HOOK2: variants seen among roughly 807,000 people sequenced by gnomAD.
The protein encoded by HOOK2 is hook microtubule tethering protein 2.
In HOOK2, 108 loss-of-function variants were observed where a neutral mutation model predicts 111.9. That is an observed-to-expected ratio of 0.96 (90% CI 0.83 to 1.13). HOOK2 has a LOEUF of 1.13. Among genes scored for constraint, HOOK2 ranks in the 50% most tolerant of loss-of-function variants. HOOK2 has a pLI of 0.00. For missense variants in HOOK2, 978 were observed against 951.3 expected (o/e 1.03, Z -0.37); for synonymous variants, 405 against 394.3 (o/e 1.03, Z -0.32).
At chr19:12,765,653 A>T in intron 18 of HOOK2, 37 bp downstream of exon 18, 1 of 1,613,112 alleles carries the variant, frequency 6.2e-7, no homozygotes, top group South Asian at 1.1e-5. Context: ...TATCAAATCC[A>T]TGCCCCCACG....
Position 12,763,071 on chromosome 19 carries a change from G to C in HOOK2, c.*211C>G. On this transcript the variant is annotated 3_prime_UTR_variant, in exon 23 of 23. Transcript: ENST00000397668. The stretch of plus-strand genomic sequence containing the variant: ...CTCCTGAGGCAGCACATGAACTCCA[G>C]AGAGAGAATCAACAACAAGAATCAC... The C allele has an allele frequency of 1.7e-6, 1 of 581,106 alleles. No individual in the cohort carries two copies. The highest frequency in any genetic ancestry group is 3.0e-6 in the Non-Finnish European group (1 of 333,966). The allele number at this position is 581,106 out of a possible 1,614,324, so 36.0% of individuals were successfully genotyped here.
chr19:12,782,488 C>A (rs1336329341), upstream of HOOK2, among the ~76,000 whole-genome samples: 4 of 152,242 alleles, frequency 2.6e-5, no homozygotes, highest in African/African-American at 9.6e-5. Context: ...GAGGGCCTCC[C>A]GCCCCGCCGT....
At chr19:12,779,217 G>T (rs561863464), upstream of HOOK2, among the ~76,000 whole-genome samples, 3 of 152,278 alleles carry the variant, frequency 2.0e-5, no homozygotes, top group Non-Finnish European at 2.9e-5. Flanking sequence ...CTGGGAAGCG[G>T]CTGACTCAAC....
In HOOK2 at chr19:12,763,389, C is replaced by A; in HGVS notation, c.2053G>T (p.Ala685Ser). The A allele has an allele frequency of 1.2e-6, 2 of 1,614,074 alleles. No individual in the cohort carries two copies. Among genetic ancestry groups the A allele is most frequent in the Non-Finnish European group, 1.7e-6 (2 of 1,179,992 alleles). Reference sequence around the variant, plus strand: ...TGTGCCAGGAATGACTGGGCATGGGCAGGCGCCCGCTCCTCCCCAGCTCGC... The same window carrying A: ...TGTGCCAGGAATGACTGGGCATGGGAAGGCGCCCGCTCCTCCCCAGCTCGC... ...QQRAGEERAPAHAQSFLAQQR... is the reference protein window; with the variant it reads ...QQRAGEERAPSHAQSFLAQQR... Residue 685 changes from alanine to serine, a missense_variant, in exon 23 of 23, where the codon GCC (alanine) becomes TCC (serine). Physicochemically the swap from Ala to Ser is moderately conservative, Grantham distance 99. Around this residue, in one of 5 missense-constraint regions of HOOK2, gnomAD observed 277 missense variants for 265.8 expected, o/e 1.04. Coordinates refer to ENST00000397668, the MANE Select transcript of HOOK2 (RefSeq NM_013312.3).
At chr19:12,783,049 G>A (rs1222914268), upstream of HOOK2, among the ~76,000 whole-genome samples, 2 of 152,054 alleles carry the variant, frequency 1.3e-5, no homozygotes, top group Admixed American at 1.3e-4. Context: ...GCGTCGCCCG[G>A]GCGTGCGTGA....
In HOOK2 at chr19:12,770,031, C is replaced by T; in HGVS notation, c.954G>A (p.Arg318=). The change falls in exon 11 of 23, where the codon CGG becomes CGA. Residue 318 remains arginine, a synonymous_variant. Coordinates refer to ENST00000397668, the MANE Select transcript of HOOK2 (RefSeq NM_013312.3). ...GQLEATLTSC[R]RRLGELRELR... ...GCTCCCTCAGCTCGCCCAAGCGGCG[C>T]CGGCAACTGGTCAGCGTGGCCTCCA... is the stretch of plus-strand genomic sequence containing the variant. 6.5e-7 allele frequency: 1 copy of T among 1,540,548 alleles called. No homozygotes were observed. Among genetic ancestry groups the T allele is most frequent in the South Asian group, 1.2e-5 (1 of 83,610 alleles).
At chr19:12,774,981 C>G (rs1968452543) in intron 1 of HOOK2, 84 bp from the exon 2 acceptor site, 1 of 1,345,006 alleles carries the variant, frequency 7.4e-7, no homozygotes, top group African/African-American at 1.4e-5. Context: ...TTCCAGTCAG[C>G]GAACCTCACA....
upstream of HOOK2, among the ~76,000 whole-genome samples, chr19:12,782,039 G>C (rs2145794754): frequency 6.6e-6 from 1 of 152,168 alleles, no homozygotes; most frequent in East Asian, 1.9e-4. Flanking sequence ...TATTTTTGTA[G>C]AGACAGGGGT....
At chr19:12,787,922 G>A (rs746999900) in intron 3 of HOOK2, among the ~76,000 whole-genome samples, 3 of 152,076 alleles carry the variant, frequency 2.0e-5, no homozygotes, top group Non-Finnish European at 4.4e-5. Flanking sequence ...GGGCATGGTG[G>A]CATGCGCCTG....
chr19:12,781,839 C>T (rs1268539602), upstream of HOOK2, among the ~76,000 whole-genome samples: 1 of 151,450 alleles, frequency 6.6e-6, no homozygotes, highest in Non-Finnish European at 1.5e-5. Context: ...CTCCCTGTTC[C>T]TGTTTTTTTT....
chr19:12,768,158 G>A, intron 11 of HOOK2, 35 bp from the exon 12 acceptor site: 3 of 1,576,790 alleles, frequency 1.9e-6, no homozygotes, highest in Non-Finnish European at 2.6e-6. Context: ...AGGACAGCAG[G>A]GCTGGGAGCA....
chr19:12,775,984 TCTC>T (rs1313143154), upstream of HOOK2, among the ~76,000 whole-genome samples: 1 of 146,360 alleles, frequency 6.8e-6, no homozygotes. Flanking sequence ...TTCACGCCAT[TCTC>T]CTGCCTCAGC....
At chr19:12,773,193 GCTGT>G in intron 3 of HOOK2, 149 bp from the exon 4 acceptor site, 4 of 659,644 alleles carry the variant, frequency 6.1e-6, no homozygotes, top group Non-Finnish European at 1.0e-5. Flanking sequence ...GACCTGTCTG[GCTGT>G]CTGCCCCTTT....
At chr19:12,781,666 C>T (rs1194681961), upstream of HOOK2, among the ~76,000 whole-genome samples, 1 of 152,132 alleles carries the variant, frequency 6.6e-6, no homozygotes, top group Non-Finnish European at 1.5e-5. Context: ...GTGGTCTTGT[C>T]TCTGTGACTG....
chr19:12,779,506 A>G, upstream of HOOK2, among the ~76,000 whole-genome samples: 1 of 152,220 alleles, frequency 6.6e-6, no homozygotes, highest in East Asian at 1.9e-4. Context: ...GTCTGAGTCC[A>G]TGTGAAATGT....
At chr19:12,767,506 C>G (rs1392835660) in intron 13 of HOOK2, 42 bp from the exon 14 acceptor site, 3 of 1,497,810 alleles carry the variant, frequency 2.0e-6, no homozygotes, top group Non-Finnish European at 2.8e-6. Context: ...TTCGCATCCC[C>G]TGTCCCCGCC....
upstream of HOOK2, among the ~76,000 whole-genome samples, chr19:12,782,328 T>A (rs1968610568): frequency 6.6e-6 from 1 of 152,184 alleles, no homozygotes; most frequent in Admixed American, 6.5e-5. Flanking sequence ...TGGACTAGAA[T>A]GGGTTGGTGC....
Position 12,764,922 on chromosome 19 carries a change from C to T in HOOK2, c.1724-5G>A, listed in dbSNP as rs773939071. ...GCTCCTCGATCCGCCGGGCTGCTGG[C>T]GGAAGAGGTGGCCCATCAGCTCCAC... On this transcript the variant is annotated splice_region_variant and splice_polypyrimidine_tract_variant and intron_variant, in intron 19 of 22. Coordinates refer to ENST00000397668, the MANE Select transcript of HOOK2 (RefSeq NM_013312.3). 6.8e-6 allele frequency: 11 copies of T among 1,614,034 alleles called. No individual in the cohort carries two copies. In the East Asian group the frequency reaches 1.1e-4, roughly 16 times the overall value.
At chr19:12,776,472 G>A (rs1246795677), upstream of HOOK2, among the ~76,000 whole-genome samples, 1 of 151,506 alleles carries the variant, frequency 6.6e-6, no homozygotes, top group African/African-American at 2.4e-5. Flanking sequence ...ACGAGGTCAG[G>A]TGTTCGAGAC....
Sources: gnomAD v4.1 joint callset for allele counts (sites outside exome capture counted in the v4.1 genomes callset) on GRCh38, gnomAD v4.1.1 for gene constraint, gnomAD v4.1.1 regional missense constraint, MANE v1.5 for transcripts, NCBI Gene and HGNC (gene_info 2026-07-23, HGNC 2026-07-21) for gene names.